Variants in ATP1B2 observed in about 807,000 individuals in gnomAD.
The protein encoded by ATP1B2 is ATPase Na+/K+ transporting subunit beta 2.
Under a neutral mutation model 37.3 loss-of-function variants are expected in ATP1B2, and 12 were observed. The observed-to-expected ratio is 0.32, with a 90% CI of 0.21 to 0.52. The LOEUF is 0.52. Ranked by LOEUF, ATP1B2 falls within the 20% of genes least tolerant of loss-of-function variation. The probability of loss-of-function intolerance (pLI) is 0.96; values close to 1 mark genes in which losing one functional copy is unlikely to be tolerated. For synonymous variants in ATP1B2, 139 were observed against 140.5 expected (o/e 0.99, Z 0.07); for missense variants, 324 against 391.6 (o/e 0.83, Z 1.46).
At chr17:7,649,551 C>A (rs1164571853), upstream of ATP1B2, among the ~76,000 whole-genome samples, 1 of 149,212 alleles carries the variant, frequency 6.7e-6, no homozygotes, top group East Asian at 2.0e-4. Context: ...CCATGCCCAG[C>A]TAATTTTTTT....
rs1203067564 is a variant in ATP1B2, at chr17:7,657,668, C to G, written c.*1773C>G. 1.3e-5 allele frequency: 2 copies of G among 152,612 alleles called. No individual in the cohort carries two copies. The highest frequency in any genetic ancestry group is 4.8e-5 in the African/African-American group (2 of 41,432). The allele number at this position is 152,612 out of a possible 1,614,324, so 9.5% of individuals were successfully genotyped here. ...TCCTGCACCCGCCCTACCATGGTCT[C>G]TCTCTGCAGTTATTTAATGCCTGTG... On this transcript the variant is annotated 3_prime_UTR_variant, in exon 7 of 7. Coordinates refer to ENST00000250111, the MANE Select transcript of ATP1B2 (RefSeq NM_001678.5).
At position 7,655,363 on chromosome 17, in the gene ATP1B2, C is replaced by A; in HGVS notation, c.610-164C>A. On this transcript the variant is annotated intron_variant, in intron 5 of 6. Coordinates refer to ENST00000250111, the MANE Select transcript of ATP1B2 (RefSeq NM_001678.5). The surrounding 1 kb of genome is among the most constrained non-coding windows in gnomAD (Gnocchi z 4.4). ...CAGACCATCCCCTCATCTACACACG[C>A]ACATGCAGACACACACACACAGACT... The A allele has an allele frequency of 1.5e-6, 1 of 648,626 alleles. No individual in the cohort carries two copies. 40.2% of individuals were successfully genotyped at this position (648,626 alleles called of 1,614,324 possible).
Position 7,651,461 on chromosome 17 carries a change from C to A in ATP1B2, c.-58C>A. On this transcript the variant is annotated 5_prime_UTR_variant, in exon 1 of 7. Transcript: ENST00000250111. ...GTGTGTGGAGGGCTTCAGCGCGCGG[C>A]GCCCCCGCTTCTCCGCAACCCCCCG... The A allele has an allele frequency of 6.8e-7, 1 of 1,470,602 alleles. No individual in the cohort carries two copies. The highest frequency in any genetic ancestry group is 1.4e-5 in the African/African-American group (1 of 71,314). 91.1% of individuals were successfully genotyped at this position (1,470,602 alleles called of 1,614,324 possible).
At chr17:7,649,719 AT>A (rs750866645), upstream of ATP1B2, among the ~76,000 whole-genome samples, 110 of 146,272 alleles carry the variant, frequency 7.5e-4, no homozygotes, top group Admixed American at 8.9e-4. Flanking sequence ...CGCCCAGCTA[AT>A]TTTTTTTTTT....
At chr17:7,653,756 G>C (rs2072629298) in intron 2 of ATP1B2, 85 bp from the exon 3 acceptor site, 19 of 1,399,410 alleles carry the variant, frequency 1.4e-5, no homozygotes, top group Non-Finnish European at 1.8e-5. Context: ...TCCCCACTCT[G>C]GTGTTCCCTG....
At position 7,651,400 on chromosome 17, in the gene ATP1B2, C is replaced by T. The variant is rs1001968964; in HGVS notation, c.-119C>T. On this transcript the variant is annotated 5_prime_UTR_variant, in exon 1 of 7. Transcript: ENST00000250111. The stretch of plus-strand genomic sequence containing the variant: ...CAGCTGCATATCTGAGGGGGGTCTC[C>T]TTTGCCCGCGCCGCCTTCGCTCCCC... 9.0e-6 allele frequency: 8 copies of T among 892,168 alleles called. No homozygotes were observed. Among genetic ancestry groups the T allele is most frequent in the Non-Finnish European group, 1.2e-5 (7 of 569,024 alleles). The allele number at this position is 892,168 out of a possible 1,614,324, so 55.3% of individuals were successfully genotyped here.
rs199816243 is a variant in ATP1B2, at chr17:7,654,275, C to T, written c.552+18C>T. On this transcript the variant is annotated intron_variant, in intron 4 of 6. Transcript: ENST00000250111. This position sits in a 1 kb window ranked among gnomAD's most constrained non-coding sequence, Gnocchi z 4.9. ...TGAACCGGGTATCTATGACCTTGGT[C>T]CCCAGGGTGAATGGAGGAAGGATCT... is the stretch of plus-strand genomic sequence containing the variant. 2.9e-4 allele frequency: 474 copies of T among 1,612,794 alleles called. 2 individuals are homozygous for T. The African/African-American group carries it at 5.4e-3, about 19-fold the overall frequency.
chr17:7,649,393 T>TC (rs1272085139), upstream of ATP1B2, among the ~76,000 whole-genome samples: 4 of 151,356 alleles, frequency 2.6e-5, no homozygotes, highest in South Asian at 2.1e-4. Context: ...ATTTTTTTTT[T>TC]CTCTCTTTTT....
Position 7,656,394 on chromosome 17 carries a change from G to T in ATP1B2, c.*499G>T. ...CCTTGATCTCTCATACTTTCTCCCT[G>T]TCTACACAGTCGCCATCTTGGTGAC... On this transcript the variant is annotated 3_prime_UTR_variant, in exon 7 of 7. Transcript: ENST00000250111. 1 of 161,658 alleles carries T rather than the reference G, an allele frequency of 6.2e-6. No homozygotes were observed. Among genetic ancestry groups the T allele is most frequent in the Non-Finnish European group, 1.4e-5 (1 of 73,468 alleles). 10.0% of individuals were successfully genotyped at this position (161,658 alleles called of 1,614,324 possible).
chr17:7,652,433 A>T (rs2072620521), intron 1 of ATP1B2, among the ~76,000 whole-genome samples: 1 of 152,082 alleles, frequency 6.6e-6, no homozygotes, highest in East Asian at 1.9e-4. Context: ...TGGGACGTTG[A>T]GACACAGGGG....
At position 7,654,330 on chromosome 17, in the gene ATP1B2, T is replaced by C; in HGVS notation, c.552+73T>C. ...ACACCACCTGCAGACAATTGCATCC[T>C]TTCACTGGGGCTAATGGGCATGAGA... is the stretch of plus-strand genomic sequence containing the variant. On this transcript the variant is annotated intron_variant, in intron 4 of 6. Coordinates refer to ENST00000250111, the MANE Select transcript of ATP1B2 (RefSeq NM_001678.5). This position sits in a 1 kb window ranked among gnomAD's most constrained non-coding sequence, Gnocchi z 4.9. 1 of 1,513,834 alleles carries C rather than the reference T, an allele frequency of 6.6e-7. No individual in the cohort carries two copies. The highest frequency in any genetic ancestry group is 1.1e-5 in the South Asian group (1 of 88,548). 93.8% of individuals were successfully genotyped at this position (1,513,834 alleles called of 1,614,324 possible). A position where few individuals can be genotyped will look rare whatever the true frequency, so the allele number is the denominator to read the frequency against.
rs1238129276 is a variant in ATP1B2, at chr17:7,656,818, G to A, written c.*923G>A. 1 of 150,672 alleles carries A rather than the reference G, an allele frequency of 6.6e-6. No individual in the cohort carries two copies. The highest frequency in any genetic ancestry group is 1.5e-5 in the Non-Finnish European group (1 of 67,880). 9.3% of individuals were successfully genotyped at this position (150,672 alleles called of 1,614,324 possible). A position where few individuals can be genotyped will look rare whatever the true frequency, so the allele number is the denominator to read the frequency against. ...ACTACAGGCATGTGCCACCATGCCC[G>A]GCTAATTTCTTTCTTTCTTTTTTTT... On this transcript the variant is annotated 3_prime_UTR_variant, in exon 7 of 7. Transcript: ENST00000250111.
chr17:7,650,504 T>C (rs1469415313), upstream of ATP1B2, among the ~76,000 whole-genome samples: 2 of 152,122 alleles, frequency 1.3e-5, no homozygotes, highest in African/African-American at 4.8e-5. Context: ...TTCGCTCTCT[T>C]TCTTGATCTC....
chr17:7,651,773 C>G (rs1386018503), intron 1 of ATP1B2, 143 bp downstream of exon 1: 4 of 693,780 alleles, frequency 5.8e-6, no homozygotes, highest in Non-Finnish European at 6.7e-6. Context: ...TGGGAGGGGG[C>G]CGAATCGCCA....
chr17:7,647,217 G>A (rs1344203240), upstream of ATP1B2, among the ~76,000 whole-genome samples: 2 of 151,980 alleles, frequency 1.3e-5, no homozygotes, highest in African/African-American at 4.8e-5. Context: ...ATTGTAGGAG[G>A]CATGGATGAT....
Position 7,655,938 on chromosome 17 carries a change from G to T in ATP1B2, c.*43G>T. The T allele has an allele frequency of 6.2e-7, 1 of 1,608,566 alleles. No homozygotes were observed. ...CCATCTCTCTCCTGTGGATGCTCCT[G>T]GAATGTCCCTGACCCTGCCTGATCC... On this transcript the variant is annotated 3_prime_UTR_variant, in exon 7 of 7. Coordinates refer to ENST00000250111, the MANE Select transcript of ATP1B2 (RefSeq NM_001678.5). This position sits in a 1 kb window ranked among gnomAD's most constrained non-coding sequence, Gnocchi z 4.4.
chr17:7,648,567 C>CAAAAAAA (rs58333874), upstream of ATP1B2, among the ~76,000 whole-genome samples: 2 of 69,708 alleles, frequency 2.9e-5, no homozygotes, highest in African/African-American at 6.2e-5. Flanking sequence ...ACTCTGTCTC[C>CAAAAAAA]AAAAAAAAAA....
chr17:7,650,441 GC>G (rs1382217368), upstream of ATP1B2, among the ~76,000 whole-genome samples: 1 of 152,064 alleles, frequency 6.6e-6, no homozygotes, highest in Non-Finnish European at 1.5e-5. Context: ...ATCCATCTCT[GC>G]GGGGCCTGTC....
upstream of ATP1B2, among the ~76,000 whole-genome samples, chr17:7,647,861 A>G (rs565695773): frequency 9.2e-5 from 14 of 151,862 alleles, no homozygotes; most frequent in Non-Finnish European, 1.5e-5. Context: ...ATAGCAAAGA[A>G]AAAAACACCA....
Sources: allele counts gnomAD v4.1 joint callset (sites outside exome capture counted in the v4.1 genomes callset), GRCh38; gene constraint gnomAD v4.1.1; non-coding constraint Gnocchi (gnomAD v3.1); transcripts MANE v1.5; gene names NCBI Gene and HGNC (gene_info 2026-07-23, HGNC 2026-07-21).